DMD: variants seen among roughly 807,000 people sequenced by gnomAD.
The protein encoded by DMD is mutant dystrophin.
In DMD, 63 loss-of-function variants were observed where a neutral mutation model predicts 330.1. The ratio of observed to expected loss-of-function variants is 0.19; its 90% confidence interval spans 0.16 to 0.24. The LOEUF is 0.24. DMD is among the 10% of genes least tolerant of loss of function. DMD has a pLI of 1.00. For missense variants in DMD, 3,344 were observed against 2,684.1 expected (o/e 1.25, Z -5.43); for synonymous variants, 1,223 against 959.8 (o/e 1.27, Z -5.07).
chrX:32,623,102 A>T (rs1382182068), intron 11 of DMD, among the ~76,000 whole-genome samples: 1 of 111,991 alleles, frequency 8.9e-6, no homozygotes, highest in East Asian at 2.8e-4. Context: ...CAGTAAAGTA[A>T]GGAAGGGCTT....
intron 47 of DMD, among the ~76,000 whole-genome samples, chrX:31,881,338 G>T (rs1055708947): frequency 9.3e-6 from 1 of 107,595 alleles, no homozygotes; most frequent in Non-Finnish European, 1.9e-5. Flanking sequence ...GGATCACAAG[G>T]TCAGGAGATC....
At chrX:31,426,991 C>T (rs1005255225) in intron 60 of DMD, among the ~76,000 whole-genome samples, 4 of 112,127 alleles carry the variant, frequency 3.6e-5, no homozygotes, top group African/African-American at 1.3e-4. Flanking sequence ...CCCTTGTTTA[C>T]TTGGCCAAAT....
chrX:32,712,544 T>G (rs1048023844), intron 7 of DMD, among the ~76,000 whole-genome samples: 12 of 111,870 alleles, frequency 1.1e-4, no homozygotes, highest in African/African-American at 3.9e-4. Context: ...ACCCTCATAA[T>G]AAGAAGATAT....
At chrX:32,670,987 T>G (rs2061599019) in intron 9 of DMD, among the ~76,000 whole-genome samples, 1 of 110,718 alleles carries the variant, frequency 9.0e-6, no homozygotes, top group Non-Finnish European at 1.9e-5. Flanking sequence ...TCCCCAGGGT[T>G]TGCTTAGGTT....
At chrX:32,700,417 G>A (rs1208491101) in intron 7 of DMD, among the ~76,000 whole-genome samples, 3 of 111,032 alleles carry the variant, frequency 2.7e-5, no homozygotes, top group Admixed American at 1.9e-4. Flanking sequence ...TGTGGGGCAG[G>A]GGTTGGGAAG....
chrX:32,980,368 CAAAAAAAA>C (rs755016078), intron 2 of DMD, among the ~76,000 whole-genome samples: 826 of 42,661 alleles, frequency 0.019, 16 homozygotes, highest in African/African-American at 0.07. Context: ...GACTCTGTCT[CAAAAAAAA>C]AAAAAAAAAA....
chrX:31,146,162 G>C, intron 76 of DMD, 129 bp downstream of exon 76: 1 of 821,583 alleles, frequency 1.2e-6, no homozygotes, highest in East Asian at 3.2e-5. Context: ...TTTTTCGCCT[G>C]GTATATGATT....
intron 50 of DMD, among the ~76,000 whole-genome samples, chrX:31,803,585 G>C (rs1240833349): frequency 4.6e-5 from 5 of 108,993 alleles, no homozygotes; most frequent in African/African-American, 1.3e-4. Flanking sequence ...CCATTCTCCT[G>C]AATTTTTCTC....
At chrX:33,200,907 C>T (rs2051223340) in intron 1 of DMD, among the ~76,000 whole-genome samples, 1 of 98,559 alleles carries the variant, frequency 1.0e-5, no homozygotes. Flanking sequence ...CATGGAAACG[C>T]ACATGATAAT....
chrX:31,941,617 C>G (rs1380576945), intron 45 of DMD, among the ~76,000 whole-genome samples: 2 of 111,210 alleles, frequency 1.8e-5, no homozygotes, highest in African/African-American at 3.3e-5. Context: ...TTGTGTGATG[C>G]CAAGGTTTAG....
At chrX:32,262,124 C>G (rs2148285109) in intron 43 of DMD, among the ~76,000 whole-genome samples, 1 of 111,544 alleles carries the variant, frequency 9.0e-6, no homozygotes, top group Non-Finnish European at 1.9e-5. Flanking sequence ...ATAATGTAGA[C>G]CCATAAACTA....
At chrX:31,838,602 G>A (rs2093254287) in intron 48 of DMD, among the ~76,000 whole-genome samples, 2 of 111,868 alleles carry the variant, frequency 1.8e-5, no homozygotes, top group African/African-American at 6.5e-5. Flanking sequence ...TATTGATATA[G>A]CTAATTACTG....
intron 36 of DMD, among the ~76,000 whole-genome samples, chrX:32,363,757 C>A (rs147260856): frequency 8.9e-6 from 1 of 111,744 alleles, no homozygotes; most frequent in Admixed American, 9.5e-5. Flanking sequence ...ATATCAGAGG[C>A]ATAAAAATAA....
intron 44 of DMD, among the ~76,000 whole-genome samples, chrX:32,200,650 C>A (rs769788317): frequency 8.9e-6 from 1 of 111,773 alleles, no homozygotes; most frequent in South Asian, 3.7e-4. Context: ...TTTTTAAAAG[C>A]AAAATGAAGT....
In DMD at chrX:32,468,714, A is replaced by G. The variant is rs1285970429; in HGVS notation, c.2950-4T>C. 1 of 1,197,381 alleles carries G rather than the reference A, an allele frequency of 8.4e-7. No homozygotes were observed. The highest frequency in any genetic ancestry group is 1.1e-6 in the Non-Finnish European group (1 of 884,711). On this transcript the variant is annotated splice_polypyrimidine_tract_variant and splice_region_variant and intron_variant, in intron 22 of 78. Coordinates refer to ENST00000357033, the MANE Select transcript of DMD (RefSeq NM_004006.3). The stretch of plus-strand genomic sequence containing the variant: ...CTTGCAGAGAACTTTGTAAAGCCTA[A>G]AAAACAATTTTTTAAATACATTTAC...
chrX:32,761,203 C>T (rs1408435354), intron 7 of DMD, among the ~76,000 whole-genome samples: 1 of 111,877 alleles, frequency 8.9e-6, no homozygotes, highest in Non-Finnish European at 1.9e-5. Flanking sequence ...ATAAACCCAC[C>T]TGGCCTATCC....
intron 24 of DMD, 48 bp downstream of exon 24, chrX:32,464,538 T>C (rs1432055957): frequency 1.0e-6 from 1 of 968,250 alleles, no homozygotes; most frequent in Non-Finnish European, 1.5e-6. Flanking sequence ...AACCAAATAA[T>C]ATTCATACAA....
chrX:32,074,249 C>T (rs77460337), intron 44 of DMD, among the ~76,000 whole-genome samples: 11,503 of 111,270 alleles, frequency 0.1, 797 homozygotes, highest in East Asian at 0.28. Flanking sequence ...GGAGATCCTA[C>T]ATCCTTTTAA....
chrX:31,696,089 T>G (rs2083439618), intron 52 of DMD, among the ~76,000 whole-genome samples: 1 of 111,480 alleles, frequency 9.0e-6, no homozygotes, highest in African/African-American at 3.2e-5. Flanking sequence ...TGAATATTAT[T>G]TGAGTTGTAA....
Sources: allele counts gnomAD v4.1 joint callset (sites outside exome capture counted in the v4.1 genomes callset), GRCh38; gene constraint gnomAD v4.1.1; transcripts MANE v1.5; gene names NCBI Gene and HGNC (gene_info 2026-07-23, HGNC 2026-07-21).